CCDC30: variants seen among roughly 807,000 people sequenced by gnomAD.
The protein encoded by CCDC30 is coiled-coil domain-containing protein 30.
In CCDC30, 70 loss-of-function variants were observed where a neutral mutation model predicts 100.2. That is an observed-to-expected ratio of 0.70 (90% CI 0.58 to 0.85). CCDC30 has a LOEUF of 0.85. Ranked by LOEUF, CCDC30 falls within the 40% of genes least tolerant of loss-of-function variation. The pLI, the probability that CCDC30 is intolerant of heterozygous loss-of-function variation, is 0.00. For synonymous variants in CCDC30, 233 were observed against 269.5 expected (o/e 0.86, Z 1.33); for missense variants, 652 against 771.2 (o/e 0.85, Z 1.83).
At chr1:42,587,775 T>G (rs1414625501) in intron 9 of CCDC30, among the ~76,000 whole-genome samples, 1 of 152,202 alleles carries the variant, frequency 6.6e-6, no homozygotes, top group African/African-American at 2.4e-5. Context: ...CATCACAGTC[T>G]TCAAGATGAA....
intron 6 of CCDC30, among the ~76,000 whole-genome samples, chr1:42,560,428 G>C (rs754579835): frequency 2.6e-5 from 4 of 152,198 alleles, no homozygotes; most frequent in Non-Finnish European, 5.9e-5. Context: ...GGAGTGCAGT[G>C]GTGTGATCTT....
intron 6 of CCDC30, among the ~76,000 whole-genome samples, chr1:42,500,869 T>G (rs1261240181): frequency 6.6e-6 from 1 of 152,200 alleles, no homozygotes; most frequent in Non-Finnish European, 1.5e-5. Context: ...TGGGATTACA[T>G]GCATAAGCCG....
intron 6 of CCDC30, among the ~76,000 whole-genome samples, chr1:42,557,688 TTATATTAAA>T (rs1027768901): frequency 1.4e-5 from 2 of 147,434 alleles, no homozygotes; most frequent in African/African-American, 2.4e-5. Context: ...AATATTTTAT[TTATATTAAA>T]TATATTAAAT....
intron 12 of CCDC30, among the ~76,000 whole-genome samples, chr1:42,642,248 T>A (rs12034208): frequency 0.43 from 64,566 of 148,916 alleles, 14,024 homozygotes; most frequent in East Asian, 0.6. Flanking sequence ...AACAAAAAAA[T>A]ATATATATAT....
chr1:42,614,513 G>A (rs1382421092), intron 11 of CCDC30, among the ~76,000 whole-genome samples: 2 of 151,856 alleles, frequency 1.3e-5, no homozygotes, highest in African/African-American at 4.8e-5. Flanking sequence ...AGGGCCAGGC[G>A]CAGTGGCTTA....
upstream of CCDC30, among the ~76,000 whole-genome samples, chr1:42,458,693 C>T (rs369723540): frequency 3.3e-5 from 5 of 152,258 alleles, no homozygotes; most frequent in Non-Finnish European, 4.4e-5. Context: ...AGTGATTTCA[C>T]GCTTTTTAAT....
At chr1:42,645,141 G>A (rs188086468) in intron 14 of CCDC30, among the ~76,000 whole-genome samples, 1 of 152,198 alleles carries the variant, frequency 6.6e-6, no homozygotes, top group Admixed American at 6.5e-5. Flanking sequence ...GGCAAGGAGT[G>A]TATCTCATAT....
intron 12 of CCDC30, among the ~76,000 whole-genome samples, chr1:42,642,089 A>T (rs188952419): frequency 1.3e-5 from 2 of 151,530 alleles, no homozygotes; most frequent in African/African-American, 4.9e-5. Flanking sequence ...AGCCGGGCGT[A>T]GTGGTGGGCA....
intron 1 of CCDC30, among the ~76,000 whole-genome samples, chr1:42,466,781 A>C (rs1189146829): frequency 2.6e-5 from 4 of 152,002 alleles, no homozygotes; most frequent in African/African-American, 9.7e-5. Context: ...TGAACTCCTG[A>C]CCTCAGGTGA....
chr1:42,499,607 C>A (rs1644277775), intron 6 of CCDC30, among the ~76,000 whole-genome samples: 1 of 152,028 alleles, frequency 6.6e-6, no homozygotes, highest in Non-Finnish European at 1.5e-5. Flanking sequence ...TCTCAAGTAG[C>A]TGGGACTATA....
In CCDC30 at chr1:42,645,602, C is replaced by G. The variant is rs535533499; in HGVS notation, c.1672-533C>G. On this transcript the variant is annotated intron_variant, in intron 14 of 16. Transcript: ENST00000668663. ...TGGATAGTAGATCCTGCTTGTTGAT[C>G]ACTGTTGCTGTAAGACTTGTTTGGT... 3.9e-5 allele frequency among the ~76,000 whole-genome samples: 6 copies of G among 152,196 alleles called. No homozygotes were observed. In the South Asian group the frequency reaches 1.0e-3, roughly 26 times the overall value.
At chr1:42,476,546 C>T (rs181399260) in intron 1 of CCDC30, among the ~76,000 whole-genome samples, 9 of 151,924 alleles carry the variant, frequency 5.9e-5, no homozygotes, top group East Asian at 3.9e-4. Flanking sequence ...CAAAATTAGC[C>T]GGATGTGGTG....
At chr1:42,610,924 C>T (rs1441570211) in intron 10 of CCDC30, 54 bp from the exon 15 acceptor site, 6 of 787,710 alleles carry the variant, frequency 7.6e-6, no homozygotes, top group African/African-American at 5.5e-5. Flanking sequence ...TGCATTTCTT[C>T]AACATCATAC....
intron 6 of CCDC30, among the ~76,000 whole-genome samples, chr1:42,532,004 T>C (rs1194416163): frequency 2.0e-5 from 3 of 152,040 alleles, no homozygotes; most frequent in Non-Finnish European, 4.4e-5. Context: ...ACAAGACCTA[T>C]GTTTTGGCCG....
chr1:42,496,942 T>C (rs113590196), intron 4 of CCDC30, among the ~76,000 whole-genome samples, 156 bp from the exon 5 acceptor site: 1 of 152,180 alleles, frequency 6.6e-6, no homozygotes, highest in Non-Finnish European at 1.5e-5. Context: ...GAGAGCCTAG[T>C]GGCTCTCCTG....
intron 15 of CCDC30, among the ~76,000 whole-genome samples, chr1:42,649,497 C>T (rs1366522249): frequency 1.3e-5 from 2 of 152,134 alleles, no homozygotes; most frequent in Non-Finnish European, 2.9e-5. Context: ...TAACATTATA[C>T]TCAATGGAGA....
intron 14 of CCDC30, among the ~76,000 whole-genome samples, chr1:42,645,589 C>A (rs938036240): frequency 1.3e-5 from 2 of 152,104 alleles, no homozygotes; most frequent in Non-Finnish European, 2.9e-5. Context: ...GATAGTAGAT[C>A]CTGCTTGTTG....
intron 3 of CCDC30, among the ~76,000 whole-genome samples, chr1:42,483,919 G>A (rs1296815940): frequency 6.6e-6 from 1 of 151,738 alleles, no homozygotes; most frequent in Non-Finnish European, 1.5e-5. Flanking sequence ...CTGGTTTTGG[G>A]GGGGTACTTT....
At chr1:42,510,153 C>T in intron 6 of CCDC30, 1 of 969,572 alleles carries the variant, frequency 1.0e-6, no homozygotes, top group Non-Finnish European at 1.2e-6. Flanking sequence ...TTAGGGTTGT[C>T]AATAAGTACT....
Sources: gnomAD v4.1 joint callset for allele counts (sites outside exome capture counted in the v4.1 genomes callset) on GRCh38, gnomAD v4.1.1 for gene constraint, MANE v1.5 for transcripts, NCBI Gene and HGNC (gene_info 2026-07-23, HGNC 2026-07-21) for gene names.